SDK2: variants seen among roughly 807,000 people sequenced by gnomAD.
SDK2 encodes the protein protein sidekick-2.
Under a neutral mutation model 253.9 loss-of-function variants are expected in SDK2, and 105 were observed. The ratio of observed to expected loss-of-function variants is 0.41; its 90% confidence interval spans 0.35 to 0.49. SDK2 has a LOEUF of 0.49. SDK2 is among the 20% of genes least tolerant of loss of function. The pLI is 0.06. For missense variants in SDK2, 2,608 were observed against 3,003.0 expected (o/e 0.87, Z 3.07); for synonymous variants, 1,249 against 1,234.9 (o/e 1.01, Z -0.24).
intron 1 of SDK2, among the ~76,000 whole-genome samples, chr17:73,555,304 A>T (rs1032599264): frequency 1.3e-5 from 2 of 152,184 alleles, no homozygotes; most frequent in Non-Finnish European, 1.5e-5. Flanking sequence ...CAGGACTTGG[A>T]CTGGTTGAGG....
chr17:73,359,431 C>A (rs1362913055), intron 39 of SDK2, among the ~76,000 whole-genome samples: 1 of 152,190 alleles, frequency 6.6e-6, no homozygotes, highest in Admixed American at 6.5e-5. Flanking sequence ...AGAGTAACTG[C>A]GGGGTCAGGT....
intron 44 of SDK2, among the ~76,000 whole-genome samples, chr17:73,345,779 A>G (rs2062477829): frequency 6.6e-6 from 1 of 152,200 alleles, no homozygotes; most frequent in Non-Finnish European, 1.5e-5. Flanking sequence ...CCTTAATGCC[A>G]CCAGTGCTTC....
chr17:73,616,911 C>T lies in SDK2; in HGVS notation c.64+27114G>A, dbSNP rs930645887. 6.6e-6 allele frequency among the ~76,000 whole-genome samples: 1 copy of T among 151,888 alleles called. No homozygotes were observed. Among genetic ancestry groups the T allele is most frequent in the East Asian group, 2.0e-4 (1 of 5,124 alleles). ...AGGGGAGACAAAGTGGGCGGAGAGA[C>T]AGCTCTCCTAGGGAGAGCGGAGGTC... On this transcript the variant is annotated intron_variant, in intron 1 of 44. Coordinates refer to ENST00000392650, the MANE Select transcript of SDK2 (RefSeq NM_001144952.2). This position sits in a 1 kb window ranked among gnomAD's most constrained non-coding sequence, Gnocchi z 5.2.
In SDK2 at chr17:73,355,174, A is replaced by ATTTTTTTTTTTT. The variant is rs770032791; in HGVS notation, c.5594-2549_5594-2538dup. ...CCTACACCTCCATATATATATATATATTTTTTTTTTTTTTTTTTTTTAGAC... is the reference window on the plus strand; with the variant it reads ...CCTACACCTCCATATATATATATATATTTTTTTTTTTTTTTTTTTTTTTTTTTTTTTTTAGAC... On this transcript the variant is annotated intron_variant, in intron 40 of 44. Transcript: ENST00000392650. 3.1e-3 allele frequency among the ~76,000 whole-genome samples: 147 copies of ATTTTTTTTTTTT among 47,202 alleles called. 9 individuals carry two copies. The highest frequency in any genetic ancestry group is 5.4e-3 in the South Asian group (3 of 558). The allele number at this position is 47,202 out of a possible 152,430, so 31.0% of individuals were successfully genotyped here. A position where few individuals can be genotyped will look rare whatever the true frequency, so the allele number is the denominator to read the frequency against.
rs117697394 is a variant in SDK2, at chr17:73,512,035, G to A, written c.65-4438C>T. On this transcript the variant is annotated intron_variant, in intron 1 of 44. Coordinates refer to ENST00000392650, the MANE Select transcript of SDK2 (RefSeq NM_001144952.2). ...CAAGCCTTTGTGTTCAAGTATGTGTGTCTGTGGTCTGTTTCTGTGTGCACA... is the reference window on the plus strand; with the variant it reads ...CAAGCCTTTGTGTTCAAGTATGTGTATCTGTGGTCTGTTTCTGTGTGCACA... Among the ~76,000 whole-genome samples the A allele has an allele frequency of 4.1e-4, 63 of 152,248 alleles. No individual in the cohort carries two copies. The East Asian group carries it at 0.011, about 28-fold the overall frequency.
intron 1 of SDK2, among the ~76,000 whole-genome samples, chr17:73,627,842 G>T (rs1471191947): frequency 1.3e-5 from 2 of 152,182 alleles, no homozygotes; most frequent in East Asian, 3.9e-4. Context: ...GAGATCAGGA[G>T]TTCGAGACCA....
At position 73,423,897 on chromosome 17, in the gene SDK2, C is replaced by G. The variant is rs1003699276; in HGVS notation, c.1760+19G>C. On this transcript the variant is annotated intron_variant, in intron 13 of 44. Coordinates refer to ENST00000392650, the MANE Select transcript of SDK2 (RefSeq NM_001144952.2). ...TTGCCTGGACCGCCTCTGCCGGGGT[C>G]TGGGAGGGCTGCCCTTACCTGACTC... is the stretch of plus-strand genomic sequence containing the variant. 1 of 1,540,742 alleles carries G rather than the reference C, an allele frequency of 6.5e-7. No individual in the cohort carries two copies. Among genetic ancestry groups the G allele is most frequent in the Non-Finnish European group, 8.8e-7 (1 of 1,139,830 alleles).
chr17:73,355,556 G>A lies in SDK2; in HGVS notation c.5593+2523C>T, dbSNP rs192104076. On this transcript the variant is annotated intron_variant, in intron 40 of 44. Transcript: ENST00000392650. ...AGAGATGGGGTTTCACCATATTGGC[G>A]AGGATGGTCTCGATCTCCTGACCTC... Among the ~76,000 whole-genome samples the A allele has an allele frequency of 3.9e-3, 586 of 151,974 alleles. 6 individuals are homozygous for A. The highest frequency in any genetic ancestry group is 0.013 in the African/African-American group (555 of 41,422).
intron 1 of SDK2, among the ~76,000 whole-genome samples, chr17:73,638,516 G>A (rs940858564): frequency 3.3e-5 from 5 of 152,164 alleles, no homozygotes; most frequent in Non-Finnish European, 7.3e-5. Context: ...TCTGGGTGGT[G>A]TGGGCACCAC....
chr17:73,633,099 C>T lies in SDK2; in HGVS notation c.64+10926G>A, dbSNP rs571927096. ...GGAATTCAAGATTAGACTAGGCAAC[C>T]GAGCAAGACCCTGTATCTACAAAAA... On this transcript the variant is annotated intron_variant, in intron 1 of 44. Transcript: ENST00000392650. 6.0e-5 allele frequency among the ~76,000 whole-genome samples: 9 copies of T among 149,540 alleles called. No individual in the cohort carries two copies. The East Asian group carries it at 1.6e-3, about 26-fold the overall frequency.
At chr17:73,466,149 G>A (rs2063595709) in intron 3 of SDK2, among the ~76,000 whole-genome samples, 1 of 152,190 alleles carries the variant, frequency 6.6e-6, no homozygotes, top group South Asian at 2.1e-4. Context: ...TCACTGCCTG[G>A]TTTGCCTCAG....
chr17:73,547,437 A>G lies in SDK2; in HGVS notation c.65-39840T>C, dbSNP rs147371876. On this transcript the variant is annotated intron_variant, in intron 1 of 44. Coordinates refer to ENST00000392650, the MANE Select transcript of SDK2 (RefSeq NM_001144952.2). ...TGAAGCTAGACCAACCACTGTGCCC[A>G]GGGACAGGACGAACCTCTCTGTGCT... Among the ~76,000 whole-genome samples the G allele has an allele frequency of 4.5e-3, 681 of 152,382 alleles. 4 individuals carry two copies. Among genetic ancestry groups the G allele is most frequent in the African/African-American group, 0.016 (652 of 41,588 alleles).
Position 73,448,755 on chromosome 17 carries a change from G to A in SDK2, c.480-1007C>T, listed in dbSNP as rs1338403673. Among the ~76,000 whole-genome samples the A allele has an allele frequency of 2.6e-5, 4 of 151,558 alleles. No homozygotes were observed. The East Asian group carries it at 5.8e-4, about 22-fold the overall frequency. On this transcript the variant is annotated intron_variant, in intron 4 of 44. Transcript: ENST00000392650. ...GGCTTACTGCAACCTCCGCCTTCCC[G>A]GTTCAAGTGATTTTCCTGCCTCAGC...
chr17:73,411,072 C>G (rs775010739), intron 18 of SDK2, among the ~76,000 whole-genome samples: 2 of 151,108 alleles, frequency 1.3e-5, no homozygotes, highest in African/African-American at 2.5e-5. Flanking sequence ...TCCTCTGCCT[C>G]CCCCCAGGGT....
chr17:73,382,103 C>A (rs574122369), intron 33 of SDK2, among the ~76,000 whole-genome samples: 164 of 151,440 alleles, frequency 1.1e-3, no homozygotes, highest in Middle Eastern at 3.4e-3. Flanking sequence ...TTAATCCCAG[C>A]TACTCAGGAG....
intron 1 of SDK2, among the ~76,000 whole-genome samples, chr17:73,515,262 G>C (rs893612863): frequency 3.3e-5 from 5 of 152,168 alleles, no homozygotes; most frequent in African/African-American, 1.2e-4. Context: ...TCCCAAAGCT[G>C]TCTCACCCTT....
At chr17:73,484,921 C>T (rs1436391515) in intron 2 of SDK2, among the ~76,000 whole-genome samples, 11 of 152,246 alleles carry the variant, frequency 7.2e-5, no homozygotes, top group Admixed American at 2.0e-4. Context: ...CCCAAAGTGC[C>T]GGGATTATAG....
chr17:73,540,629 C>T lies in SDK2; in HGVS notation c.65-33032G>A, dbSNP rs149161837. ...TCCCACTTAAGCAAAACACTTCGTG[C>T]GTGACCCTGGTGCTATGTCACTTGC... On this transcript the variant is annotated intron_variant, in intron 1 of 44. Transcript: ENST00000392650. Among the ~76,000 whole-genome samples, 411 of 152,294 alleles carry T rather than the reference C, an allele frequency of 2.7e-3. 4 individuals carry two copies. Among genetic ancestry groups the T allele is most frequent in the African/African-American group, 9.0e-3 (375 of 41,564 alleles).
chr17:73,550,817 C>G (rs1053325663), intron 1 of SDK2, among the ~76,000 whole-genome samples: 1 of 152,128 alleles, frequency 6.6e-6, no homozygotes, highest in Non-Finnish European at 1.5e-5. Flanking sequence ...ATCCCTAGGC[C>G]GGAGGGGTCC....
Sources: gnomAD v4.1 joint callset for allele counts (sites outside exome capture counted in the v4.1 genomes callset) on GRCh38, gnomAD v4.1.1 for gene constraint, Gnocchi (gnomAD v3.1) non-coding constraint, MANE v1.5 for transcripts, NCBI Gene and HGNC (gene_info 2026-07-23, HGNC 2026-07-21) for gene names.